Variants in TTK observed in about 807,000 individuals in gnomAD.
The protein encoded by TTK is dual specificity protein kinase TTK.
In TTK, 59 loss-of-function variants were observed where a neutral mutation model predicts 117.3. The observed-to-expected ratio is 0.50, with a 90% CI of 0.41 to 0.62. The LOEUF is 0.62. TTK is among the 20% of genes least tolerant of loss of function. TTK has a pLI of 0.00. For synonymous variants in TTK, 302 were observed against 325.0 expected (o/e 0.93, Z 0.76); for missense variants, 921 against 989.4 (o/e 0.93, Z 0.93).
chr6:80,024,192 G>C (rs239579), intron 11 of TTK, among the ~76,000 whole-genome samples: 94,196 of 152,058 alleles, frequency 0.62, 29,641 homozygotes, highest in Admixed American at 0.73. Context: ...TTTTGGATAA[G>C]AGTCTGGGAG....
intron 13 of TTK, among the ~76,000 whole-genome samples, chr6:80,028,606 C>T (rs907433178): frequency 2.6e-5 from 4 of 152,122 alleles, no homozygotes; most frequent in Non-Finnish European, 2.9e-5. Context: ...GCATGAGCCA[C>T]TGCGCCTGGC....
intron 2 of TTK, chr6:80,006,245 G>C (rs192145105): frequency 7.1e-6 from 3 of 422,048 alleles, no homozygotes; most frequent in East Asian, 1.2e-4. Context: ...TAATACTCTA[G>C]CTCTTCTAAA....
At chr6:80,032,873 G>A (rs1405921158) in intron 14 of TTK, among the ~76,000 whole-genome samples, 1 of 151,998 alleles carries the variant, frequency 6.6e-6, no homozygotes, top group Admixed American at 6.6e-5. Flanking sequence ...ACAAATTAGA[G>A]TTGTATATTT....
intron 14 of TTK, among the ~76,000 whole-genome samples, chr6:80,034,242 C>T (rs1767833252): frequency 6.6e-6 from 1 of 152,104 alleles, no homozygotes; most frequent in Non-Finnish European, 1.5e-5. Context: ...GTATCTAGAA[C>T]AGTCATGGGG....
chr6:80,018,938 C>A (rs1050552809), intron 10 of TTK, among the ~76,000 whole-genome samples: 4 of 152,010 alleles, frequency 2.6e-5, no homozygotes, highest in East Asian at 3.9e-4. Flanking sequence ...TTTTCTGCAT[C>A]TATTTAGTTA....
chr6:80,023,100 T>G (rs140691215), intron 11 of TTK, among the ~76,000 whole-genome samples: 380 of 152,354 alleles, frequency 2.5e-3, no homozygotes, highest in African/African-American at 8.7e-3. Flanking sequence ...GGCCATAGTT[T>G]CCTTACCATT....
At position 80,026,337 on chromosome 6, in the gene TTK, A is replaced by C. The variant is rs750104362; in HGVS notation, c.1258-41A>C. ...TGTAAAAACTAGTGAACAGGCAACTAATTTAAAAACTAAATCATGGTGTTC... is the reference window on the plus strand; with the variant it reads ...TGTAAAAACTAGTGAACAGGCAACTCATTTAAAAACTAAATCATGGTGTTC... On this transcript the variant is annotated intron_variant, in intron 11 of 21. Coordinates refer to ENST00000369798, the MANE Select transcript of TTK (RefSeq NM_003318.5). 11 of 1,579,432 alleles carry C rather than the reference A, an allele frequency of 7.0e-6. No homozygotes were observed. In the Admixed American group the frequency reaches 1.5e-4, roughly 22 times the overall value.
At chr6:80,038,087 A>C (rs376121628) in intron 18 of TTK, 40 bp downstream of exon 18, 1 of 1,423,088 alleles carries the variant, frequency 7.0e-7, no homozygotes. Context: ...ATCTGGCAAC[A>C]GTAGGGAATG....
At chr6:80,028,950 A>G (rs1005081620) in intron 13 of TTK, among the ~76,000 whole-genome samples, 3 of 152,290 alleles carry the variant, frequency 2.0e-5, no homozygotes, top group Admixed American at 1.3e-4. Flanking sequence ...TTCATTATCT[A>G]TAAAATTAGT....
At chr6:80,031,711 C>T (rs571752475) in intron 14 of TTK, 152 bp downstream of exon 14, 1 of 473,042 alleles carries the variant, frequency 2.1e-6, no homozygotes, top group Admixed American at 4.4e-5. Context: ...CCTTTCTCTT[C>T]CCGCTGCCCC....
intron 14 of TTK, among the ~76,000 whole-genome samples, chr6:80,033,312 C>A (rs1013345355): frequency 3.9e-5 from 6 of 152,160 alleles, no homozygotes; most frequent in African/African-American, 1.4e-4. Context: ...CCTCATGTGT[C>A]TTCTCAGTTA....
intron 4 of TTK, among the ~76,000 whole-genome samples, chr6:80,008,929 CTGTGTGTGTGTGTGTGTGTGTG>C (rs3049166): frequency 2.1e-5 from 3 of 142,300 alleles, no homozygotes; most frequent in Admixed American, 1.5e-4. Flanking sequence ...AACTATATAT[CTGTGTGTGTGTGTGTGTGTGTG>C]TGTGTGTGTG....
chr6:80,017,818 C>A (rs141144645), intron 10 of TTK, among the ~76,000 whole-genome samples: 168 of 152,186 alleles, frequency 1.1e-3, no homozygotes, highest in Admixed American at 2.0e-3. Context: ...GCTCAATAAC[C>A]TAGCATATCT....
At position 80,027,945 on chromosome 6, in the gene TTK, T is replaced by G; in HGVS notation, c.1455T>G (p.Tyr485Ter). Residue 485 changes from tyrosine (Y) to a stop codon, truncating the protein, a stop_gained, in exon 13 of 22, where the codon TAT becomes TAG. Transcript: ENST00000369798. LOFTEE classifies it high-confidence loss of function. ...CTGCTTGTCAGTTGTCAACACCTTA[T>G]GGCCAACCTGCCTGTTTCCAGCAGC... is the stretch of plus-strand genomic sequence containing the variant. ...FPPACQLSTP[Y>*]GQPACFQQQQ... is the part of the protein sequence containing the mutation. 1 of 1,609,182 alleles carries G rather than the reference T, an allele frequency of 6.2e-7. No individual in the cohort carries two copies. Among genetic ancestry groups the G allele is most frequent in the Non-Finnish European group, 8.5e-7 (1 of 1,177,134 alleles).
At chr6:80,021,852 G>A (rs973429354) in intron 10 of TTK, among the ~76,000 whole-genome samples, 1 of 152,070 alleles carries the variant, frequency 6.6e-6, no homozygotes, top group Admixed American at 6.6e-5. Flanking sequence ...AATTAGATAA[G>A]TGAACACTGT....
intron 13 of TTK, among the ~76,000 whole-genome samples, chr6:80,028,306 TTTA>T (rs1767661407): frequency 1.3e-5 from 2 of 149,358 alleles, no homozygotes; most frequent in African/African-American, 2.5e-5. Context: ...TTTTTATTTA[TTTA>T]TTTATTTATT....
At chr6:80,035,454 T>A (rs1767878606) in intron 16 of TTK, 37 bp downstream of exon 16, 1 of 1,551,174 alleles carries the variant, frequency 6.4e-7, no homozygotes, top group African/African-American at 1.4e-5. Flanking sequence ...AAGGTTAAAA[T>A]CTTTGTTAAT....
rs192754518 is a variant in TTK at position 80,026,638 on chromosome 6, T to A, written c.1394+124T>A. On this transcript the variant is annotated intron_variant, in intron 12 of 21. Coordinates refer to ENST00000369798, the MANE Select transcript of TTK (RefSeq NM_003318.5). ...ACTTTAAAGACTTTCCATCTTCATATTATTTTTTCAGCATCAGTGTTTTCA... is the reference window on the plus strand; with the variant it reads ...ACTTTAAAGACTTTCCATCTTCATAATATTTTTTCAGCATCAGTGTTTTCA... 4.1e-4 allele frequency: 566 copies of A among 1,377,802 alleles called. 4 individuals carry two copies. The highest frequency in any genetic ancestry group is 2.5e-5 in the Non-Finnish European group (25 of 1,011,984). The allele number at this position is 1,377,802 out of a possible 1,614,324, so 85.3% of individuals were successfully genotyped here. A position where few individuals can be genotyped will look rare whatever the true frequency, so the allele number is the denominator to read the frequency against.
Position 80,007,869 on chromosome 6 carries a change from G to A in TTK, c.200G>A (p.Ser67Asn), listed in dbSNP as rs760172960. Residue 67 changes from serine to asparagine, a missense_variant, in exon 3 of 22, where the codon AGT (serine) becomes AAT (asparagine). Coordinates refer to ENST00000369798, the MANE Select transcript of TTK (RefSeq NM_003318.5). ...GCAAACAACCCAGAGGACTGGTTGA[G>A]TTTGTTGCTCAAACTAGAGAAAAAC... ...MMANNPEDWL[S>N]LLLKLEKNSV... 6.2e-7 allele frequency: 1 copy of A among 1,613,422 alleles called. No homozygotes were observed. The highest frequency in any genetic ancestry group is 8.5e-7 in the Non-Finnish European group (1 of 1,179,574).
Sources: gnomAD v4.1 joint callset for allele counts (sites outside exome capture counted in the v4.1 genomes callset) on GRCh38, gnomAD v4.1.1 for gene constraint, MANE v1.5 for transcripts, NCBI Gene and HGNC (gene_info 2026-07-23, HGNC 2026-07-21) for gene names.